Variants in TIMP3 observed in about 807,000 individuals in gnomAD.
TIMP3 encodes metalloproteinase inhibitor 3.
Under a neutral mutation model 30.0 loss-of-function variants are expected in TIMP3, and 11 were observed. That is an observed-to-expected ratio of 0.37 (90% CI 0.23 to 0.61). The LOEUF (loss-of-function observed/expected upper bound fraction) is 0.61, where lower values mean the gene tolerates loss of function less well. Among genes scored for constraint, TIMP3 ranks in the 20% least tolerant of loss-of-function variants. TIMP3 has a pLI of 0.70. For synonymous variants in TIMP3, 112 were observed against 111.3 expected, an observed-to-expected ratio of 1.01 and a Z score of -0.04; for missense variants, 181 against 276.8, an observed-to-expected ratio of 0.65 and a Z score of 2.45.
intron 4 of TIMP3, among the ~76,000 whole-genome samples, chr22:32,858,691 G>A (rs1274250036): frequency 6.6e-6 from 1 of 152,154 alleles, no homozygotes; most frequent in Non-Finnish European, 1.5e-5. Flanking sequence ...AGTCCTGTGT[G>A]GTTTTAATTA....
At chr22:32,830,669 C>T (rs2047546307) in intron 1 of TIMP3, among the ~76,000 whole-genome samples, 1 of 152,142 alleles carries the variant, frequency 6.6e-6, no homozygotes. Flanking sequence ...CACCCCCCCG[C>T]CCCCGCAATA....
chr22:32,843,428 A>T (rs1358871069), intron 1 of TIMP3, among the ~76,000 whole-genome samples: 1 of 152,194 alleles, frequency 6.6e-6, no homozygotes, highest in Non-Finnish European at 1.5e-5. Flanking sequence ...TAGAGTGTCC[A>T]AGGTGGGCAG....
intron 1 of TIMP3, among the ~76,000 whole-genome samples, chr22:32,829,180 C>T (rs893954471): frequency 5.3e-5 from 8 of 152,186 alleles, no homozygotes; most frequent in African/African-American, 1.9e-4. Context: ...CATCCCATTG[C>T]CGGCTTTAGT....
rs1051914425 is a variant in TIMP3 at position 32,859,544 on chromosome 22, C to T, written c.*167C>T. The T allele has an allele frequency of 4.1e-5, 36 of 877,780 alleles. No individual in the cohort carries two copies. In the African/African-American group the frequency reaches 5.6e-4, roughly 14 times the overall value. The allele number at this position is 877,780 out of a possible 1,614,324, so 54.4% of individuals were successfully genotyped here. On this transcript the variant is annotated 3_prime_UTR_variant, in exon 5 of 5. Transcript: ENST00000266085. ...GCTGTCATATGGGGTTTATTGGGAA[C>T]TATCCTCCTGGCCCCACCCTGCCCC... is the stretch of plus-strand genomic sequence containing the variant.
intron 1 of TIMP3, among the ~76,000 whole-genome samples, chr22:32,803,207 C>A (rs1260298671): frequency 6.6e-6 from 1 of 151,828 alleles, no homozygotes; most frequent in Non-Finnish European, 1.5e-5. Context: ...GCCTTGCCGC[C>A]CTCTGCCTGT....
intron 1 of TIMP3, among the ~76,000 whole-genome samples, chr22:32,835,362 G>A (rs1426273580): frequency 6.6e-6 from 1 of 152,140 alleles, no homozygotes; most frequent in Non-Finnish European, 1.5e-5. Context: ...ATGGGGGCAG[G>A]GAAGAAAGAG....
At chr22:32,807,818 C>T (rs2046805983) in intron 1 of TIMP3, among the ~76,000 whole-genome samples, 1 of 151,974 alleles carries the variant, frequency 6.6e-6, no homozygotes, top group South Asian at 2.1e-4. Context: ...TTAATAGTTC[C>T]TGCCAATTTG....
rs1419748726 is a variant in TIMP3 at position 32,851,623 on chromosome 22, G to A, written c.204+2089G>A. Among the ~76,000 whole-genome samples the A allele has an allele frequency of 2.0e-5, 3 of 152,122 alleles. No individual in the cohort carries two copies. The East Asian group carries it at 5.8e-4, about 29-fold the overall frequency. The stretch of plus-strand genomic sequence containing the variant: ...ATGTAGGATCCCTCGTCTTACTTCT[G>A]ACAGAGGCGCAAAGGGGAAATGACT... On this transcript the variant is annotated intron_variant, in intron 2 of 4. Coordinates refer to ENST00000266085, the MANE Select transcript of TIMP3 (RefSeq NM_000362.5).
At chr22:32,810,866 A>C (rs940758106) in intron 1 of TIMP3, among the ~76,000 whole-genome samples, 32 of 152,198 alleles carry the variant, frequency 2.1e-4, no homozygotes, top group African/African-American at 7.7e-4. Context: ...AGACTTTATC[A>C]TCATGAATAA....
intron 1 of TIMP3, among the ~76,000 whole-genome samples, chr22:32,824,197 A>C (rs992118407): frequency 5.3e-5 from 8 of 151,648 alleles, no homozygotes; most frequent in African/African-American, 1.7e-4. Context: ...ATAATCACTT[A>C]AACTTGGGAG....
intron 1 of TIMP3, among the ~76,000 whole-genome samples, chr22:32,810,846 CTT>C (rs2046897594): frequency 6.6e-6 from 1 of 152,100 alleles, no homozygotes; most frequent in Non-Finnish European, 1.5e-5. Context: ...GAAGGGCTCC[CTT>C]TTGACTTAGA....
intron 2 of TIMP3, among the ~76,000 whole-genome samples, chr22:32,853,106 G>T (rs2048268764): frequency 6.6e-6 from 1 of 152,174 alleles, no homozygotes; most frequent in Admixed American, 6.5e-5. Flanking sequence ...CTAACCAAAT[G>T]AGCAATAGCA....
intron 1 of TIMP3, among the ~76,000 whole-genome samples, chr22:32,845,645 G>A (rs2048039425): frequency 6.6e-6 from 1 of 152,156 alleles, no homozygotes; most frequent in South Asian, 2.1e-4. Flanking sequence ...ATTGTTGGGG[G>A]CACTGGGTAG....
chr22:32,810,845 C>T (rs2046897508), intron 1 of TIMP3, among the ~76,000 whole-genome samples: 1 of 152,036 alleles, frequency 6.6e-6, no homozygotes, highest in African/African-American at 2.4e-5. Context: ...GGAAGGGCTC[C>T]CTTTTGACTT....
intron 1 of TIMP3, among the ~76,000 whole-genome samples, chr22:32,845,112 G>C (rs1161083938): frequency 1.3e-5 from 2 of 152,134 alleles, no homozygotes; most frequent in Non-Finnish European, 2.9e-5. Flanking sequence ...AGAGACAAGA[G>C]AGGCTCAGAG....
chr22:32,801,901 C>A lies in TIMP3; in HGVS notation c.-101C>A. The A allele has an allele frequency of 1.4e-6, 2 of 1,387,622 alleles. No individual in the cohort carries two copies. Among genetic ancestry groups the A allele is most frequent in the Middle Eastern group, 2.6e-4 (1 of 3,792 alleles). The allele number at this position is 1,387,622 out of a possible 1,614,324, so 86.0% of individuals were successfully genotyped here. On this transcript the variant is annotated 5_prime_UTR_variant, in exon 1 of 5. Coordinates refer to ENST00000266085, the MANE Select transcript of TIMP3 (RefSeq NM_000362.5). This position sits in a 1 kb window ranked among gnomAD's most constrained non-coding sequence, Gnocchi z 4.7. ...GAGGCCAAGGTTGCCCCGCACGGCCCGGCGGGCGAGCGAGCTCGGGCTGCA... is the reference window on the plus strand; with the variant it reads ...GAGGCCAAGGTTGCCCCGCACGGCCAGGCGGGCGAGCGAGCTCGGGCTGCA...
intron 2 of TIMP3, among the ~76,000 whole-genome samples, chr22:32,854,831 GTCCA>G (rs1182347568): frequency 2.6e-5 from 4 of 152,198 alleles, no homozygotes; most frequent in Non-Finnish European, 5.9e-5. Flanking sequence ...GACCATCTGA[GTCCA>G]TCAGAACAAT....
At chr22:32,850,240 C>T (rs954026043) in intron 2 of TIMP3, among the ~76,000 whole-genome samples, 2 of 151,790 alleles carry the variant, frequency 1.3e-5, no homozygotes, top group African/African-American at 4.8e-5. Flanking sequence ...AACCTGCCTC[C>T]TAGTCTCACC....
chr22:32,824,548 T>A (rs2047346285), intron 1 of TIMP3, among the ~76,000 whole-genome samples: 1 of 151,838 alleles, frequency 6.6e-6, no homozygotes, highest in South Asian at 2.1e-4. Flanking sequence ...TAAAATGGAG[T>A]GTATATATGT....
Sources: gnomAD v4.1 joint callset for allele counts (sites outside exome capture counted in the v4.1 genomes callset) on GRCh38, gnomAD v4.1.1 for gene constraint, Gnocchi (gnomAD v3.1) non-coding constraint, MANE v1.5 for transcripts, NCBI Gene and HGNC (gene_info 2026-07-23, HGNC 2026-07-21) for gene names.